SMAP1: variants seen among roughly 807,000 people sequenced by gnomAD.
SMAP1 encodes stromal membrane-associated protein 1.
In SMAP1, 24 loss-of-function variants were observed where a neutral mutation model predicts 58.5. That is an observed-to-expected ratio of 0.41 (90% CI 0.30 to 0.58). The LOEUF (loss-of-function observed/expected upper bound fraction) is 0.58, where lower values mean the gene tolerates loss of function less well. Ranked by LOEUF, SMAP1 falls within the 20% of genes least tolerant of loss-of-function variation. The pLI is 0.29. For missense variants in SMAP1, 563 were observed against 566.3 expected (o/e 0.99, Z 0.06); for synonymous variants, 216 against 196.6 (o/e 1.10, Z -0.82).
At chr6:70,690,658 G>C (rs1477343146) in intron 1 of SMAP1, among the ~76,000 whole-genome samples, 3 of 150,642 alleles carry the variant, frequency 2.0e-5, no homozygotes, top group African/African-American at 7.3e-5. Flanking sequence ...GCATTCCTGG[G>C]AGAAACTACA....
intron 6 of SMAP1, among the ~76,000 whole-genome samples, chr6:70,826,867 C>A (rs1770143144): frequency 1.4e-5 from 2 of 138,456 alleles, no homozygotes; most frequent in Non-Finnish European, 3.0e-5. Context: ...GAGATCGAGG[C>A]TGCAGTATAG....
At chr6:70,750,774 G>A (rs1766241675) in intron 2 of SMAP1, among the ~76,000 whole-genome samples, 1 of 152,126 alleles carries the variant, frequency 6.6e-6, no homozygotes, top group Non-Finnish European at 1.5e-5. Flanking sequence ...TTCTTCAATG[G>A]TTTATTACAC....
intron 4 of SMAP1, among the ~76,000 whole-genome samples, chr6:70,788,612 G>A (rs1399368270): frequency 6.6e-6 from 1 of 152,146 alleles, no homozygotes; most frequent in Non-Finnish European, 1.5e-5. Flanking sequence ...ACTAATAGAA[G>A]CATGGGTTTC....
chr6:70,787,123 C>T (rs1425376273), intron 4 of SMAP1, among the ~76,000 whole-genome samples: 2 of 152,144 alleles, frequency 1.3e-5, no homozygotes, highest in African/African-American at 4.8e-5. Context: ...TGGAACAGAA[C>T]AGAGGCCTCA....
chr6:70,789,500 A>G (rs1194773255), intron 4 of SMAP1, among the ~76,000 whole-genome samples: 4 of 151,120 alleles, frequency 2.6e-5, no homozygotes, highest in African/African-American at 9.7e-5. Flanking sequence ...TCACCTGTTC[A>G]TCTGTCCATT....
chr6:70,741,622 G>C (rs1422050960), intron 2 of SMAP1, among the ~76,000 whole-genome samples: 3 of 152,150 alleles, frequency 2.0e-5, no homozygotes, highest in Non-Finnish European at 2.9e-5. Flanking sequence ...GCTGTTGCTG[G>C]ATCTACCATT....
At chr6:70,842,415 G>GAGTC (rs1770837717) in intron 7 of SMAP1, among the ~76,000 whole-genome samples, 1 of 152,182 alleles carries the variant, frequency 6.6e-6, no homozygotes, top group African/African-American at 2.4e-5. Flanking sequence ...AAGTGGTCCT[G>GAGTC]AGTCAGTAGT....
At chr6:70,729,458 G>GTT (rs1352719966) in intron 1 of SMAP1, among the ~76,000 whole-genome samples, 5 of 35,408 alleles carry the variant, frequency 1.4e-4, no homozygotes, top group Non-Finnish European at 2.1e-4. Flanking sequence ...AAAAAAGAAG[G>GTT]TTGTGTGTGT....
At chr6:70,747,172 T>G (rs1013357270) in intron 2 of SMAP1, among the ~76,000 whole-genome samples, 5 of 152,222 alleles carry the variant, frequency 3.3e-5, no homozygotes, top group Non-Finnish European at 4.4e-5. Context: ...GTGGGTGATC[T>G]TCAGTACTTG....
At chr6:70,685,307 T>G (rs1472902224) in intron 1 of SMAP1, among the ~76,000 whole-genome samples, 1 of 152,050 alleles carries the variant, frequency 6.6e-6, no homozygotes. Flanking sequence ...TTTAACTTTT[T>G]ATCTGCTGAT....
In SMAP1 at chr6:70,713,584, A is replaced by G. The variant is rs191019706; in HGVS notation, c.119-18794A>G. Among the ~76,000 whole-genome samples the G allele has an allele frequency of 2.0e-3, 300 of 152,242 alleles. 1 individual carries two copies. Among genetic ancestry groups the G allele is most frequent in the African/African-American group, 6.9e-3 (286 of 41,550 alleles). ...CATGTTCTTCTTGTTATCTAGTTCA[A>G]TTCCATTGTTGTTGGACAAGGTATT... On this transcript the variant is annotated intron_variant, in intron 1 of 10. Transcript: ENST00000370455.
At position 70,732,402 on chromosome 6, in the gene SMAP1, T is replaced by C; in HGVS notation, c.143T>C (p.Ile48Thr). 12 of 1,610,284 alleles carry C rather than the reference T, an allele frequency of 7.5e-6. No homozygotes were observed. Among genetic ancestry groups the C allele is most frequent in the Non-Finnish European group, 1.0e-5 (12 of 1,178,170 alleles). The stretch of plus-strand genomic sequence containing the variant: ...GGTCCTCGATGGGCTTCCTGGAATA[T>C]TGGTGTGTTTATTTGCATCAGATGT... ...AKGPRWASWN[I>T]GVFICIRCAG... Residue 48 changes from isoleucine to threonine, a missense_variant, in exon 2 of 11, where the codon ATT (isoleucine) becomes ACT (threonine). Coordinates refer to ENST00000370455, the MANE Select transcript of SMAP1 (RefSeq NM_001044305.3).
At chr6:70,772,039 A>G (rs1480257617) in intron 3 of SMAP1, among the ~76,000 whole-genome samples, 1 of 151,902 alleles carries the variant, frequency 6.6e-6, no homozygotes. Context: ...ACTTACATAC[A>G]CCCACACTCA....
chr6:70,835,885 C>G (rs1161558053), intron 6 of SMAP1, among the ~76,000 whole-genome samples: 1 of 152,014 alleles, frequency 6.6e-6, no homozygotes, highest in African/African-American at 2.4e-5. Flanking sequence ...TTCATTCTGT[C>G]CTACGCAATG....
intron 2 of SMAP1, among the ~76,000 whole-genome samples, chr6:70,748,691 A>G (rs1248087579): frequency 2.6e-5 from 4 of 152,090 alleles, no homozygotes; most frequent in Admixed American, 6.6e-5. Flanking sequence ...CAGGATTACT[A>G]TAGCCCCTTC....
At chr6:70,771,256 T>C (rs1179254324) in intron 3 of SMAP1, among the ~76,000 whole-genome samples, 2 of 152,246 alleles carry the variant, frequency 1.3e-5, no homozygotes, top group Non-Finnish European at 2.9e-5. Flanking sequence ...AGCTGTGTGC[T>C]GGGAGCACCA....
At chr6:70,684,822 GCTCTT>G (rs773503267) in intron 1 of SMAP1, among the ~76,000 whole-genome samples, 14 of 152,232 alleles carry the variant, frequency 9.2e-5, no homozygotes, top group Admixed American at 2.0e-4. Context: ...AGTAGTCACT[GCTCTT>G]CTCTTCTCTT....
At chr6:70,725,235 G>A (rs184343551) in intron 1 of SMAP1, among the ~76,000 whole-genome samples, 77 of 149,670 alleles carry the variant, frequency 5.1e-4, no homozygotes, top group African/African-American at 1.6e-3. Flanking sequence ...TCCTGCCTCA[G>A]TCTCCCGAGT....
chr6:70,695,410 C>T (rs772890418), intron 1 of SMAP1, among the ~76,000 whole-genome samples: 67 of 152,216 alleles, frequency 4.4e-4, no homozygotes, highest in Admixed American at 9.2e-4. Context: ...ATGATACTAG[C>T]TAGGGGTGTG....
Sources: allele counts gnomAD v4.1 joint callset (sites outside exome capture counted in the v4.1 genomes callset), GRCh38; gene constraint gnomAD v4.1.1; transcripts MANE v1.5; gene names NCBI Gene and HGNC (gene_info 2026-07-23, HGNC 2026-07-21).